PRKG1: variants seen among roughly 807,000 people sequenced by gnomAD.
PRKG1 encodes protein kinase cGMP-dependent 1.
PRKG1 carries 35 observed loss-of-function variants against 88.1 expected under a neutral mutation model. The ratio of observed to expected loss-of-function variants is 0.40; its 90% CI spans 0.30 to 0.53. The LOEUF (loss-of-function observed/expected upper bound fraction) is 0.53. Ranked by LOEUF, PRKG1 falls within the 20% of genes least tolerant of loss-of-function variation. The pLI is 0.59. For synonymous variants in PRKG1, 303 were observed against 292.5 expected (o/e 1.04, Z -0.37); for missense variants, 540 against 839.8 (o/e 0.64, Z 4.41).
At chr10:51,406,902 T>C (rs1254921805) in intron 2 of PRKG1, among the ~76,000 whole-genome samples, 1 of 152,152 alleles carries the variant, frequency 6.6e-6, no homozygotes, top group Non-Finnish European at 1.5e-5. Flanking sequence ...CAATCAGCCG[T>C]CTGCAAGCTG....
intron 2 of PRKG1, among the ~76,000 whole-genome samples, chr10:51,431,302 C>G (rs548904008): frequency 6.6e-6 from 1 of 152,262 alleles, no homozygotes; most frequent in Admixed American, 6.5e-5. Context: ...GAGAAAGAGG[C>G]ACACCACACC....
At chr10:51,081,647 G>C (rs1038536188) in intron 1 of PRKG1, among the ~76,000 whole-genome samples, 1 of 152,212 alleles carries the variant, frequency 6.6e-6, no homozygotes, top group African/African-American at 2.4e-5. Flanking sequence ...AAAGCATCAA[G>C]AATTACACTG....
chr10:51,663,683 A>T (rs1020968302), intron 3 of PRKG1, among the ~76,000 whole-genome samples: 1 of 144,314 alleles, frequency 6.9e-6, no homozygotes, highest in African/African-American at 2.6e-5. Context: ...AGCCACTGGG[A>T]AACAGTGAGA....
At chr10:51,178,572 G>A (rs1413731953) in intron 2 of PRKG1, among the ~76,000 whole-genome samples, 1 of 152,136 alleles carries the variant, frequency 6.6e-6, no homozygotes, top group Non-Finnish European at 1.5e-5. Context: ...AGGAGGTCAA[G>A]GCTGCAGTGA....
intron 4 of PRKG1, among the ~76,000 whole-genome samples, chr10:51,866,126 A>G (rs1185778413): frequency 6.6e-6 from 1 of 151,992 alleles, no homozygotes; most frequent in East Asian, 1.9e-4. Context: ...ATTCATATGA[A>G]AACATCATCG....
intron 7 of PRKG1, among the ~76,000 whole-genome samples, chr10:52,075,424 A>G (rs1205277930): frequency 2.0e-5 from 3 of 152,210 alleles, no homozygotes; most frequent in East Asian, 3.9e-4. Context: ...TAGAATTTAT[A>G]TGGACCTAAA....
At chr10:52,199,696 T>A (rs1839608521) in intron 9 of PRKG1, among the ~76,000 whole-genome samples, 1 of 152,102 alleles carries the variant, frequency 6.6e-6, no homozygotes, top group South Asian at 2.1e-4. Flanking sequence ...ATTTACTCCG[T>A]GACCCCAGTG....
intron 2 of PRKG1, among the ~76,000 whole-genome samples, chr10:51,379,502 C>T (rs1041621170): frequency 2.6e-5 from 4 of 152,158 alleles, no homozygotes; most frequent in Non-Finnish European, 5.9e-5. Context: ...CAATTAATTA[C>T]AATTATATTT....
At chr10:51,647,146 A>G (rs2132307034) in intron 3 of PRKG1, among the ~76,000 whole-genome samples, 1 of 103,648 alleles carries the variant, frequency 9.6e-6, no homozygotes, top group African/African-American at 3.0e-5. Context: ...TTATGAGATC[A>G]AGATAAAAAA....
intron 5 of PRKG1, among the ~76,000 whole-genome samples, chr10:51,994,337 G>A (rs757056133): frequency 6.6e-6 from 1 of 152,102 alleles, no homozygotes; most frequent in Non-Finnish European, 1.5e-5. Context: ...GTCTCCTCGT[G>A]GCCCTATATT....
At chr10:51,947,917 G>A (rs1245573636) in intron 5 of PRKG1, among the ~76,000 whole-genome samples, 1 of 152,100 alleles carries the variant, frequency 6.6e-6, no homozygotes, top group Non-Finnish European at 1.5e-5. Flanking sequence ...TCAGCAGACG[G>A]CACCTACCTC....
At chr10:51,495,272 T>A (rs922344051) in intron 3 of PRKG1, among the ~76,000 whole-genome samples, 1 of 152,034 alleles carries the variant, frequency 6.6e-6, no homozygotes, top group Non-Finnish European at 1.5e-5. Context: ...TTTTTTGTAT[T>A]TTTAGTAGAG....
intron 5 of PRKG1, among the ~76,000 whole-genome samples, chr10:51,937,190 T>C (rs1220369907): frequency 1.3e-5 from 2 of 152,028 alleles, no homozygotes; most frequent in African/African-American, 2.4e-5. Context: ...TTCATAGGAC[T>C]TGATTTACAA....
rs10999216 is a variant in PRKG1 at position 51,746,064 on chromosome 10, C to T, written c.593-58521C>T. Among the ~76,000 whole-genome samples the T allele has an allele frequency of 8.6e-3, 1,305 of 152,142 alleles. 15 individuals are homozygous for T. Among genetic ancestry groups the T allele is most frequent in the African/African-American group, 0.025 (1,034 of 41,518 alleles). ...TAGGTCTTGCTTTGTTGCCCAGGCT[C>T]GTCTAGAACTACTGGCTTTAGGTGA... On this transcript the variant is annotated intron_variant, in intron 3 of 17. Transcript: ENST00000373980.
At chr10:51,362,776 C>G (rs984754074) in intron 2 of PRKG1, among the ~76,000 whole-genome samples, 2 of 151,834 alleles carry the variant, frequency 1.3e-5, no homozygotes, top group African/African-American at 4.8e-5. Flanking sequence ...TATCCCTCCC[C>G]TAGCCCCCAA....
At chr10:51,984,088 T>G (rs1225348711) in intron 5 of PRKG1, among the ~76,000 whole-genome samples, 3 of 152,138 alleles carry the variant, frequency 2.0e-5, no homozygotes. Context: ...CCTTGTGCGG[T>G]GTGAGAGGAT....
chr10:51,343,860 T>C (rs901499702), intron 2 of PRKG1, among the ~76,000 whole-genome samples: 3 of 152,126 alleles, frequency 2.0e-5, no homozygotes, highest in African/African-American at 4.8e-5. Context: ...GTGCCCCTCA[T>C]ATGTAGCTAA....
intron 3 of PRKG1, among the ~76,000 whole-genome samples, chr10:51,597,387 T>C (rs1838480352): frequency 1.3e-5 from 2 of 152,202 alleles, no homozygotes; most frequent in African/African-American, 4.8e-5. Context: ...TGTATGTGGC[T>C]ACTCTAGTTC....
At chr10:52,190,054 C>T (rs148666835) in intron 9 of PRKG1, among the ~76,000 whole-genome samples, 93 of 152,078 alleles carry the variant, frequency 6.1e-4, no homozygotes, top group African/African-American at 1.6e-3. Context: ...TAGGATAAGC[C>T]CCTGCTTATG....
Sources: gnomAD v4.1 joint callset for allele counts (sites outside exome capture counted in the v4.1 genomes callset) on GRCh38, gnomAD v4.1.1 for gene constraint, MANE v1.5 for transcripts, NCBI Gene and HGNC (gene_info 2026-07-23, HGNC 2026-07-21) for gene names.